The following ZIM2 variants were observed in gnomAD, a reference collection of about 807,000 sequenced individuals.
ZIM2 encodes zinc finger imprinted 2, also known as zinc finger protein 656.
In ZIM2, 14 loss-of-function variants were observed where a neutral mutation model predicts 38.6. That is an observed-to-expected ratio of 0.36 (90% CI 0.24 to 0.57). The LOEUF is 0.57. Ranked by LOEUF, ZIM2 falls within the 20% of genes least tolerant of loss-of-function variation. ZIM2 has a pLI of 0.81. For synonymous variants in ZIM2, 247 were observed against 245.8 expected (o/e 1.00, Z -0.04); for missense variants, 680 against 695.1 (o/e 0.98, Z 0.24).
intron 12 of ZIM2, among the ~76,000 whole-genome samples, chr19:56,777,510 C>G (rs560384247): frequency 6.6e-6 from 1 of 152,144 alleles, no homozygotes; most frequent in Non-Finnish European, 1.5e-5. Context: ...TCTTAAAGCC[C>G]GTTCTCCATA....
chr19:56,810,813 G>A (rs2048096862), intron 9 of ZIM2: 3 of 971,366 alleles, frequency 3.1e-6, no homozygotes, highest in Non-Finnish European at 3.7e-6. Flanking sequence ...TAGGTGTTGG[G>A]AATATAGGTA....
In ZIM2 at chr19:56,774,850, G is replaced by C. The variant is rs772375342; in HGVS notation, c.1515C>G (p.Val505=). The change falls in exon 13 of 13, where the codon GTC becomes GTG. Residue 505 remains valine (V), a synonymous_variant. Coordinates refer to ENST00000629319, the MANE Select transcript of ZIM2 (RefSeq NM_001387356.1). ...GAATGAGATATGAATTCCGACTGAA[G>C]ACTCTGCCACAGTCACAACACTGGC... ...RACQCCDCGR[V]FSRNSYLIQH... is the part of the protein sequence containing the mutation. 1.9e-6 allele frequency: 3 copies of C among 1,614,120 alleles called. No individual in the cohort carries two copies. The South Asian group carries it at 3.3e-5, about 18-fold the overall frequency.
At chr19:56,836,969 C>CAA (rs573566620) in intron 1 of ZIM2, among the ~76,000 whole-genome samples, 2,019 of 116,476 alleles carry the variant, frequency 0.017, 89 homozygotes, top group East Asian at 0.034. Context: ...GACTCTGTCT[C>CAA]AAAAAAAAAA....
At chr19:56,811,701 C>T (rs2059553998) in intron 9 of ZIM2, 1 of 985,438 alleles carries the variant, frequency 1.0e-6, no homozygotes, top group Non-Finnish European at 1.2e-6. Flanking sequence ...TAGTAAACCT[C>T]ACTGCCCCTC....
At chr19:56,794,429 C>A (rs73935921) in intron 9 of ZIM2, among the ~76,000 whole-genome samples, 218 of 152,312 alleles carry the variant, frequency 1.4e-3, no homozygotes, top group African/African-American at 4.8e-3. Flanking sequence ...CTAAAACTTA[C>A]GCCTTTTATT....
chr19:56,788,093 G>A (rs899239720), intron 10 of ZIM2, among the ~76,000 whole-genome samples: 1 of 139,166 alleles, frequency 7.2e-6, no homozygotes, highest in African/African-American at 2.7e-5. Context: ...TTTTTTTTTT[G>A]TCTGTATCTC....
At chr19:56,816,704 C>T (rs2060013912) in intron 9 of ZIM2, 1 of 1,613,994 alleles carries the variant, frequency 6.2e-7, no homozygotes, top group Non-Finnish European at 8.5e-7. Flanking sequence ...TTCTGGTGCT[C>T]AATCAGGGCA....
At chr19:56,797,233 T>TGGAG (rs2047276768) in intron 9 of ZIM2, among the ~76,000 whole-genome samples, 1 of 152,106 alleles carries the variant, frequency 6.6e-6, no homozygotes, top group South Asian at 2.1e-4. Context: ...TGAGAATGGC[T>TGGAG]TGAACTCGTG....
intron 9 of ZIM2, among the ~76,000 whole-genome samples, chr19:56,807,491 C>G (rs1265233719): frequency 6.6e-6 from 1 of 152,166 alleles, no homozygotes; most frequent in Non-Finnish European, 1.5e-5. Flanking sequence ...TCATCAATAT[C>G]TCTGACAGGG....
chr19:56,818,699 C>T lies in ZIM2; in HGVS notation c.298G>A (p.Ala100Thr). Residue 100 changes from alanine (A) to threonine (T), a missense_variant, in exon 8 of 13, where the codon GCT (alanine) becomes ACT (threonine). Coordinates refer to ENST00000629319, the MANE Select transcript of ZIM2 (RefSeq NM_001387356.1). The part of the protein sequence containing the change: ...SRAYESRSQD[A>T]ESYQNVVDLA... ...TCCACCACATTTTGGTATGATTCAG[C>T]ATCCTAAAACAGCAAACACAGACCT... The T allele has an allele frequency of 6.2e-7, 1 of 1,614,150 alleles. No homozygotes were observed. The highest frequency in any genetic ancestry group is 8.5e-7 in the Non-Finnish European group (1 of 1,180,048).
intron 9 of ZIM2, among the ~76,000 whole-genome samples, chr19:56,797,019 C>A (rs1260419502): frequency 1.3e-5 from 2 of 151,392 alleles, no homozygotes; most frequent in Non-Finnish European, 2.9e-5. Flanking sequence ...AGAGGCCAGG[C>A]ACGGTGGCTC....
chr19:56,774,682 G>T lies in ZIM2; in HGVS notation c.*6C>A. 6.2e-7 allele frequency: 1 copy of T among 1,612,460 alleles called. No individual in the cohort carries two copies. Among genetic ancestry groups the T allele is most frequent in the Non-Finnish European group, 8.5e-7 (1 of 1,178,906 alleles). On this transcript the variant is annotated 3_prime_UTR_variant, in exon 13 of 13. Transcript: ENST00000629319. ...GAGAAAAGTGTGTGCTGTGACTAAA[G>T]GTTTCTCAACAGTGATCGCACTCAA...
intron 9 of ZIM2, 65 bp from the exon 10 acceptor site, chr19:56,790,016 C>G: frequency 7.4e-7 from 1 of 1,346,582 alleles, no homozygotes; most frequent in African/African-American, 1.4e-5. Flanking sequence ...GACACAGTGG[C>G]CAGCCACCCT....
At chr19:56,796,796 G>A (rs938250124) in intron 9 of ZIM2, among the ~76,000 whole-genome samples, 2 of 152,214 alleles carry the variant, frequency 1.3e-5, no homozygotes, top group African/African-American at 2.4e-5. Flanking sequence ...ACACAGGAAG[G>A]AATTCAAGGC....
At chr19:56,806,509 A>T (rs902689401) in intron 9 of ZIM2, among the ~76,000 whole-genome samples, 2 of 152,220 alleles carry the variant, frequency 1.3e-5, no homozygotes, top group African/African-American at 4.8e-5. Flanking sequence ...CATTAGTCAC[A>T]TGCCTACTTC....
In ZIM2 at chr19:56,804,096, CCT is replaced by C. The variant is rs1386081545; in HGVS notation, c.490+13648_490+13649del. On this transcript the variant is annotated intron_variant, in intron 9 of 12. Transcript: ENST00000629319. ...CATCCCACCTACTATGTTAATAACC[CCT>C]GATACCCACCCCACGTGGGGATAGC... 2.0e-5 allele frequency among the ~76,000 whole-genome samples: 3 copies of C among 152,326 alleles called. No individual in the cohort carries two copies. The East Asian group carries it at 5.8e-4, about 29-fold the overall frequency.
intron 9 of ZIM2, chr19:56,815,485 TCA>T (rs1455570184): frequency 6.2e-7 from 1 of 1,614,066 alleles, no homozygotes; most frequent in Non-Finnish European, 8.5e-7. Context: ...CTTCTGGTGC[TCA>T]GTGAGGTCAG....
intron 9 of ZIM2, chr19:56,810,340 A>G: frequency 3.0e-6 from 3 of 985,250 alleles, no homozygotes; most frequent in Non-Finnish European, 3.6e-6. Flanking sequence ...TAGAATGATG[A>G]CCTTTCAAGG....
intron 11 of ZIM2, 38 bp from the exon 12 acceptor site, chr19:56,779,510 A>C (rs1389236807): frequency 1.3e-6 from 2 of 1,594,290 alleles, no homozygotes; most frequent in Non-Finnish European, 1.7e-6. Flanking sequence ...GGGTTTCAGT[A>C]ACTCCCAACC....
Sources: gnomAD v4.1 joint callset for allele counts (sites outside exome capture counted in the v4.1 genomes callset) on GRCh38, gnomAD v4.1.1 for gene constraint, MANE v1.5 for transcripts, NCBI Gene and HGNC (gene_info 2026-07-23, HGNC 2026-07-21) for gene names.